C1orf87: variants seen among roughly 807,000 people sequenced by gnomAD.
The protein encoded by C1orf87 is uncharacterized protein C1orf87.
A neutral mutation model predicts 60.5 loss-of-function variants in C1orf87; 58 were observed. That is an observed-to-expected ratio of 0.96 (90% CI 0.78 to 1.19). The LOEUF is 1.19. Ranked by LOEUF, C1orf87 falls within the 50% of genes most tolerant of loss-of-function variation. C1orf87 has a pLI of 0.00. For missense variants in C1orf87, 673 were observed against 638.6 expected (o/e 1.05, Z -0.58); for synonymous variants, 236 against 227.4 (o/e 1.04, Z -0.34).
At chr1:60,058,238 A>G (rs762317834) in intron 2 of C1orf87, among the ~76,000 whole-genome samples, 1 of 152,178 alleles carries the variant, frequency 6.6e-6, no homozygotes, top group Non-Finnish European at 1.5e-5. Context: ...AGAAAGCATA[A>G]CGGGGTTTCT....
chr1:60,050,898 T>C (rs1645409602), intron 3 of C1orf87, among the ~76,000 whole-genome samples: 1 of 152,172 alleles, frequency 6.6e-6, no homozygotes, highest in South Asian at 2.1e-4. Flanking sequence ...TATGGCAACA[T>C]CTACTGTAGA....
At chr1:60,008,750 T>C (rs1265585047) in intron 9 of C1orf87, 1 of 449,980 alleles carries the variant, frequency 2.2e-6, no homozygotes, top group African/African-American at 2.0e-5. Flanking sequence ...ATCACTTCAA[T>C]GGTCTCCTCA....
chr1:59,991,891 T>C (rs1644926076), intron 11 of C1orf87, among the ~76,000 whole-genome samples: 1 of 152,164 alleles, frequency 6.6e-6, no homozygotes, highest in South Asian at 2.1e-4. Context: ...ATTGCAAATA[T>C]CTATGTGTCA....
At chr1:60,051,422 A>G (rs1020988121) in intron 3 of C1orf87, among the ~76,000 whole-genome samples, 3 of 152,218 alleles carry the variant, frequency 2.0e-5, no homozygotes, top group African/African-American at 7.2e-5. Flanking sequence ...CACTTGTGTA[A>G]TTGAGTTTGT....
chr1:60,051,535 G>C (rs1305399298), intron 3 of C1orf87, among the ~76,000 whole-genome samples: 1 of 152,158 alleles, frequency 6.6e-6, no homozygotes, highest in African/African-American at 2.4e-5. Flanking sequence ...ATCCACTTTA[G>C]AGCCAAGCCC....
At chr1:60,055,479 A>G in intron 2 of C1orf87, 41 bp from the exon 3 acceptor site, 1 of 1,542,468 alleles carries the variant, frequency 6.5e-7, no homozygotes, top group Non-Finnish European at 9.0e-7. Context: ...TTACAGGCAG[A>G]CTCCTCATAC....
chr1:59,995,499 G>A (rs997695837), intron 11 of C1orf87, among the ~76,000 whole-genome samples: 2 of 152,122 alleles, frequency 1.3e-5, no homozygotes, highest in Admixed American at 6.5e-5. Context: ...TCCACCTCCA[G>A]CAGTCCTGTC....
chr1:60,068,142 C>T, intron 2 of C1orf87, among the ~76,000 whole-genome samples: 1 of 152,118 alleles, frequency 6.6e-6, no homozygotes, highest in East Asian at 1.9e-4. Context: ...AATGTGGCAT[C>T]CAGAATGAAG....
chr1:60,025,196 A>G (rs1271553243), intron 8 of C1orf87, among the ~76,000 whole-genome samples: 1 of 152,222 alleles, frequency 6.6e-6, no homozygotes, highest in Non-Finnish European at 1.5e-5. Context: ...CACATGGCAG[A>G]GACAGGAAAC....
intron 7 of C1orf87, among the ~76,000 whole-genome samples, chr1:60,029,794 C>T (rs932596963): frequency 4.6e-5 from 7 of 152,012 alleles, no homozygotes; most frequent in African/African-American, 1.2e-4. Context: ...GCATGCGCCA[C>T]CATGCCCGGC....
intron 7 of C1orf87, among the ~76,000 whole-genome samples, chr1:60,030,788 C>A (rs1451900344): frequency 6.6e-6 from 1 of 152,214 alleles, no homozygotes; most frequent in African/African-American, 2.4e-5. Context: ...GCAGTCCTGA[C>A]AGAAACCATC....
intron 3 of C1orf87, among the ~76,000 whole-genome samples, chr1:60,051,819 G>T (rs79981597): frequency 1.1e-4 from 16 of 152,314 alleles, no homozygotes; most frequent in African/African-American, 3.8e-4. Context: ...ACACGAAGGA[G>T]GTAGAATTTA....
At chr1:60,059,488 G>A (rs1645480601) in intron 2 of C1orf87, among the ~76,000 whole-genome samples, 1 of 152,094 alleles carries the variant, frequency 6.6e-6, no homozygotes. Flanking sequence ...CTCTCACCGG[G>A]CTCTTTCTGC....
chr1:60,055,061 T>G (rs1645442857), intron 3 of C1orf87, 143 bp downstream of exon 3: 3 of 783,526 alleles, frequency 3.8e-6, no homozygotes, highest in Non-Finnish European at 6.2e-6. Flanking sequence ...ATTTTCAGAT[T>G]GAAAAAAATT....
Position 60,042,062 on chromosome 1 carries a change from T to C in C1orf87, c.343-931A>G, listed in dbSNP as rs78305912. ...TCTCTCCTTGCTCCTCCTTCTTCCT[T>C]CTTGAGGTCCTCAAGTAGCCCGATG... On this transcript the variant is annotated intron_variant, in intron 3 of 11. Transcript: ENST00000371201. 6.2e-3 allele frequency among the ~76,000 whole-genome samples: 938 copies of C among 152,238 alleles called. 3 individuals are homozygous for C. Among genetic ancestry groups the C allele is most frequent in the African/African-American group, 0.021 (887 of 41,534 alleles).
chr1:59,990,792 AGTT>A lies in C1orf87; in HGVS notation c.1519_1521del (p.Asn507del). 6.2e-7 allele frequency: 1 copy of A among 1,614,084 alleles called. No individual in the cohort carries two copies. ...AGGGACAGGTTGTAAATGAGATTGTAGTTGTGAATGAGGCGTCTGGCTCGTTCC... is the reference window on the plus strand; with the variant it reads ...AGGGACAGGTTGTAAATGAGATTGTAGTGAATGAGGCGTCTGGCTCGTTCC... On this transcript the variant is annotated inframe_deletion, in exon 12 of 12. Transcript: ENST00000371201.
At chr1:60,017,769 G>A (rs190659184) in intron 8 of C1orf87, among the ~76,000 whole-genome samples, 3 of 152,186 alleles carry the variant, frequency 2.0e-5, no homozygotes, top group East Asian at 1.9e-4. Context: ...ATTTGAAATC[G>A]TAATCAAGTC....
rs555834386 is a variant in C1orf87 at position 60,005,697 on chromosome 1, G to A, written c.1193-4541C>T. 8.5e-5 allele frequency among the ~76,000 whole-genome samples: 13 copies of A among 152,174 alleles called. 1 individual carries two copies. The South Asian group carries it at 1.0e-3, about 12-fold the overall frequency. ...GAGCCTGGGTGAGGCAGAATGAAAA[G>A]GGAAGAGAAATGGGTGAAGTGTTCA... On this transcript the variant is annotated intron_variant, in intron 9 of 11. Transcript: ENST00000371201.
At position 60,033,430 on chromosome 1, in the gene C1orf87, A is replaced by G. The variant is rs371050444; in HGVS notation, c.1029+46T>C. The stretch of plus-strand genomic sequence containing the variant: ...TTATTGCTATAGACCCAATGCCCTG[A>G]AGTGGCCTTTACAGAGGAACAAATC... On this transcript the variant is annotated intron_variant, in intron 7 of 11. Transcript: ENST00000371201. 4.5e-6 allele frequency: 7 copies of G among 1,569,188 alleles called. No homozygotes were observed. The South Asian group carries it at 7.1e-5, about 16-fold the overall frequency.
Sources: gnomAD v4.1 joint callset for allele counts (sites outside exome capture counted in the v4.1 genomes callset) on GRCh38, gnomAD v4.1.1 for gene constraint, MANE v1.5 for transcripts, NCBI Gene and HGNC (gene_info 2026-07-23, HGNC 2026-07-21) for gene names.